Variants in DNAJC1 observed in about 807,000 individuals in gnomAD.
DNAJC1 encodes the protein DnaJ heat shock protein family (Hsp40) member C1.
In DNAJC1, 58 loss-of-function variants were observed where a neutral mutation model predicts 76.6. The observed-to-expected ratio is 0.76, with a 90% CI of 0.61 to 0.94. DNAJC1 has a LOEUF of 0.94. Among genes scored for constraint, DNAJC1 ranks in the 40% least tolerant of loss-of-function variants. DNAJC1 has a pLI of 0.00. For missense variants in DNAJC1, 689 were observed against 677.3 expected (o/e 1.02, Z -0.19); for synonymous variants, 258 against 267.9 (o/e 0.96, Z 0.36).
At chr10:21,814,722 G>C (rs1003859093) in intron 8 of DNAJC1, among the ~76,000 whole-genome samples, 1 of 152,160 alleles carries the variant, frequency 6.6e-6, no homozygotes, top group Non-Finnish European at 1.5e-5. Context: ...TTGTATTATA[G>C]GAAACCAAGG....
intron 9 of DNAJC1, among the ~76,000 whole-genome samples, chr10:21,800,019 C>T (rs1483497386): frequency 6.6e-6 from 1 of 152,046 alleles, no homozygotes; most frequent in African/African-American, 2.4e-5. Flanking sequence ...TCATAAATAT[C>T]CCCAAGACCT....
intron 1 of DNAJC1, among the ~76,000 whole-genome samples, chr10:21,994,650 G>C (rs867057012): frequency 6.6e-6 from 1 of 151,994 alleles, no homozygotes; most frequent in Non-Finnish European, 1.5e-5. Context: ...AATTAGACAG[G>C]CATGGTGGCG....
At chr10:21,974,645 A>T (rs1838033286) in intron 1 of DNAJC1, among the ~76,000 whole-genome samples, 1 of 152,198 alleles carries the variant, frequency 6.6e-6, no homozygotes. Flanking sequence ...TACAGACTCC[A>T]ACTTACTACA....
chr10:21,954,734 A>G (rs572947086), intron 1 of DNAJC1, among the ~76,000 whole-genome samples: 11 of 152,192 alleles, frequency 7.2e-5, no homozygotes, highest in Non-Finnish European at 1.5e-4. Flanking sequence ...ACTATGTACC[A>G]GGTACAAATC....
chr10:21,948,031 A>C (rs1837533539), intron 1 of DNAJC1, among the ~76,000 whole-genome samples: 1 of 152,118 alleles, frequency 6.6e-6, no homozygotes, highest in Non-Finnish European at 1.5e-5. Flanking sequence ...TCATGATTCA[A>C]AAATATGGGA....
intron 6 of DNAJC1, among the ~76,000 whole-genome samples, chr10:21,908,629 T>G (rs1836799517): frequency 6.6e-6 from 1 of 151,972 alleles, no homozygotes; most frequent in Non-Finnish European, 1.5e-5. Context: ...TATAAACTTC[T>G]AATCCATCCT....
intron 3 of DNAJC1, among the ~76,000 whole-genome samples, chr10:21,926,652 C>T (rs1837133624): frequency 6.6e-6 from 1 of 152,074 alleles, no homozygotes; most frequent in Non-Finnish European, 1.5e-5. Flanking sequence ...GGTCACCTGG[C>T]CTCAGGCACA....
At chr10:21,936,057 T>A (rs1243024876) in intron 1 of DNAJC1, among the ~76,000 whole-genome samples, 2 of 152,196 alleles carry the variant, frequency 1.3e-5, no homozygotes, top group African/African-American at 4.8e-5. Context: ...AATGTTTGCA[T>A]CCCTCCAAAA....
intron 9 of DNAJC1, among the ~76,000 whole-genome samples, chr10:21,772,002 G>T (rs563470972): frequency 6.6e-6 from 1 of 152,282 alleles, no homozygotes; most frequent in South Asian, 2.1e-4. Flanking sequence ...TGTGATCAAA[G>T]CTCACTGCAT....
chr10:21,891,492 A>AAAAGAAAAAAAAAAAAAAAAAAAAG (rs1836462497), intron 7 of DNAJC1, among the ~76,000 whole-genome samples: 1 of 150,090 alleles, frequency 6.7e-6, no homozygotes, highest in African/African-American at 2.4e-5. Context: ...AAAAAAAAAA[A>AAAAGAAAAAAAAAAAAAAAAAAAAG]AAAGAAAAGA....
chr10:21,842,816 T>C (rs1262000680), intron 8 of DNAJC1, among the ~76,000 whole-genome samples: 1 of 152,224 alleles, frequency 6.6e-6, no homozygotes, highest in Non-Finnish European at 1.5e-5. Flanking sequence ...TCAATGAATG[T>C]TCTGATAAGG....
chr10:21,817,029 G>A lies in DNAJC1; in HGVS notation c.979-10930C>T, dbSNP rs191306257. Among the ~76,000 whole-genome samples, 577 of 149,372 alleles carry A rather than the reference G, an allele frequency of 3.9e-3. 7 individuals are homozygous for A. The highest frequency in any genetic ancestry group is 0.014 in the African/African-American group (565 of 40,978). On this transcript the variant is annotated intron_variant, in intron 8 of 11. Coordinates refer to ENST00000376980, the MANE Select transcript of DNAJC1 (RefSeq NM_022365.4). ...AAAAAAATTAGCCGGGCGTGGTGGC[G>A]GGTGCCTGTAGTCCCAGCTACTCAG...
intron 1 of DNAJC1, among the ~76,000 whole-genome samples, chr10:21,985,543 C>A (rs534316190): frequency 6.6e-6 from 1 of 152,258 alleles, no homozygotes; most frequent in South Asian, 2.1e-4. Flanking sequence ...GCCACCGTGC[C>A]CAGCCACCTG....
At chr10:21,825,131 T>C (rs1835226644) in intron 8 of DNAJC1, among the ~76,000 whole-genome samples, 1 of 152,122 alleles carries the variant, frequency 6.6e-6, no homozygotes, top group Non-Finnish European at 1.5e-5. Flanking sequence ...TTAAGTACAT[T>C]CATATTGTTG....
chr10:21,907,310 G>GTT (rs559876011), intron 6 of DNAJC1, among the ~76,000 whole-genome samples: 8 of 141,100 alleles, frequency 5.7e-5, no homozygotes, highest in South Asian at 2.2e-4. Flanking sequence ...CATTCCTCAT[G>GTT]TTTTTTTTTT....
intron 8 of DNAJC1, among the ~76,000 whole-genome samples, chr10:21,866,659 T>C (rs1310881724): frequency 6.6e-6 from 1 of 152,078 alleles, no homozygotes; most frequent in Non-Finnish European, 1.5e-5. Flanking sequence ...AATCAAAGGA[T>C]TTAAAAACAT....
chr10:21,779,071 C>T (rs1381753906), intron 9 of DNAJC1, among the ~76,000 whole-genome samples: 3 of 152,194 alleles, frequency 2.0e-5, no homozygotes, highest in Non-Finnish European at 1.5e-5. Context: ...ATTGCTGAGG[C>T]TTGAGTAGGT....
Position 22,003,577 on chromosome 10 carries a change from GC to G in DNAJC1, c.-144del. On this transcript the variant is annotated 5_prime_UTR_variant, in exon 1 of 12. Coordinates refer to ENST00000376980, the MANE Select transcript of DNAJC1 (RefSeq NM_022365.4). ...ACCGGAGCGGCCCGCCAGGTGGCTG[GC>G]CCCAGACAGAGCGCGGAGGCGGCGG... 1 of 1,040,034 alleles carries G rather than the reference GC, an allele frequency of 9.6e-7. No homozygotes were observed. The highest frequency in any genetic ancestry group is 1.2e-6 in the Non-Finnish European group (1 of 809,030). 64.4% of individuals were successfully genotyped at this position (1,040,034 alleles called of 1,614,324 possible). A position where few individuals can be genotyped will look rare whatever the true frequency, so the allele number is the denominator to read the frequency against.
intron 9 of DNAJC1, among the ~76,000 whole-genome samples, chr10:21,780,046 A>G (rs1354950461): frequency 6.6e-6 from 1 of 152,198 alleles, no homozygotes; most frequent in Non-Finnish European, 1.5e-5. Flanking sequence ...GTTTAGAGAA[A>G]AAAGAGTAAA....
Sources: gnomAD v4.1 joint callset for allele counts (sites outside exome capture counted in the v4.1 genomes callset) on GRCh38, gnomAD v4.1.1 for gene constraint, MANE v1.5 for transcripts, NCBI Gene and HGNC (gene_info 2026-07-23, HGNC 2026-07-21) for gene names.